The following KHDRBS1 variants were observed in gnomAD, a reference collection of about 807,000 sequenced individuals.
KHDRBS1 encodes KH RNA binding domain containing, signal transduction associated 1.
KHDRBS1 carries 7 observed loss-of-function variants against 48.4 expected under a neutral mutation model. That is an observed-to-expected ratio of 0.14 (90% confidence interval 0.08 to 0.27). The LOEUF is 0.27. KHDRBS1 is among the 10% of genes least tolerant of loss of function. The pLI is 1.00. For missense variants in KHDRBS1, 458 were observed against 601.2 expected, an observed-to-expected ratio of 0.76 and a Z score of 2.49; for synonymous variants, 241 against 235.8, an observed-to-expected ratio of 1.02 and a Z score of -0.20.
intron 1 of KHDRBS1, among the ~76,000 whole-genome samples, chr1:32,028,806 ATT>A (rs200155249): frequency 4.4e-5 from 6 of 135,556 alleles, no homozygotes; most frequent in Non-Finnish European, 3.2e-5. Context: ...CACCTGGCCT[ATT>A]TTTTTTTTTT....
At chr1:32,033,073 C>T in intron 3 of KHDRBS1, 115 bp from the exon 4 acceptor site, 1 of 725,754 alleles carries the variant, frequency 1.4e-6, no homozygotes, top group Non-Finnish European at 2.4e-6. Context: ...TACCAATTAA[C>T]TTTACTGTTT....
At chr1:32,046,776 TC>T (rs1639363234), downstream of KHDRBS1, among the ~76,000 whole-genome samples, 1 of 152,214 alleles carries the variant, frequency 6.6e-6, no homozygotes, top group Non-Finnish European at 1.5e-5. Flanking sequence ...AAATTTGGCT[TC>T]TTGGAATTTC....
chr1:32,051,560 T>G (rs1639422291), intron 10 of KHDRBS1, among the ~76,000 whole-genome samples: 1 of 152,218 alleles, frequency 6.6e-6, no homozygotes, highest in Non-Finnish European at 1.5e-5. Context: ...TGCCTGGTCA[T>G]AGGTGGTTTT....
In KHDRBS1 at chr1:32,033,174, G is replaced by T; in HGVS notation, c.625-14G>T. 6.2e-7 allele frequency: 1 copy of T among 1,611,122 alleles called. No individual in the cohort carries two copies. The highest frequency in any genetic ancestry group is 1.7e-5 in the Admixed American group (1 of 60,008). On this transcript the variant is annotated splice_polypyrimidine_tract_variant and intron_variant, in intron 3 of 8. Transcript: ENST00000327300. ...CTAGTCCATGGTGTGACATTTCTCT[G>T]CATTTTTCCATAGGAGGAAGAGCTG...
At chr1:32,032,963 T>C (rs1208049975) in intron 3 of KHDRBS1, among the ~76,000 whole-genome samples, 1 of 152,208 alleles carries the variant, frequency 6.6e-6, no homozygotes, top group Non-Finnish European at 1.5e-5. Flanking sequence ...CCTGGGATTA[T>C]AGGCGTGAGC....
chr1:32,024,957 T>C (rs1000938903), intron 1 of KHDRBS1, among the ~76,000 whole-genome samples: 1 of 150,362 alleles, frequency 6.7e-6, no homozygotes, highest in Non-Finnish European at 1.5e-5. Context: ...AGAGAACCCA[T>C]CTCTTTAAAA....
Position 32,014,124 on chromosome 1 carries a change from G to GTCCCGGGGAGGCGGAGGGGGA in KHDRBS1, c.135_155dup (p.Gly48_Gly54dup), listed in dbSNP as rs1553220521. 7.3e-7 allele frequency: 1 copy of GTCCCGGGGAGGCGGAGGGGGA among 1,376,522 alleles called. No homozygotes were observed. The highest frequency in any genetic ancestry group is 9.4e-7 in the Non-Finnish European group (1 of 1,066,200). 85.3% of individuals were successfully genotyped at this position (1,376,522 alleles called of 1,614,324 possible). On this transcript the variant is annotated inframe_insertion, in exon 1 of 9. Transcript: ENST00000327300. ...CTCGGCAGCCGCCGCTGCCTCACCGGTCCCGGGGAGGCGGAGGGGGATCCC... is the reference window on the plus strand; with the variant it reads ...CTCGGCAGCCGCCGCTGCCTCACCGGTCCCGGGGAGGCGGAGGGGGATCCCGGGGAGGCGGAGGGGGATCCC...
intron 1 of KHDRBS1, among the ~76,000 whole-genome samples, chr1:32,019,085 G>T (rs554569898): frequency 6.6e-6 from 1 of 152,034 alleles, no homozygotes; most frequent in Admixed American, 6.6e-5. Context: ...GCGACAGAGC[G>T]AGACTCTGTC....
At chr1:32,015,673 T>A (rs72876652) in intron 1 of KHDRBS1, among the ~76,000 whole-genome samples, 5,121 of 152,264 alleles carry the variant, frequency 0.034, 281 homozygotes, top group African/African-American at 0.12. Context: ...GTATTTTTTT[T>A]AAACCCAACT....
chr1:32,039,872 T>C (rs1030085605), intron 8 of KHDRBS1, among the ~76,000 whole-genome samples: 3 of 152,118 alleles, frequency 2.0e-5, no homozygotes, highest in Non-Finnish European at 4.4e-5. Flanking sequence ...TAAGCTAATG[T>C]TATTTTTTTT....
chr1:32,040,831 C>T (rs1352954308), intron 8 of KHDRBS1, among the ~76,000 whole-genome samples: 1 of 152,172 alleles, frequency 6.6e-6, no homozygotes, highest in East Asian at 1.9e-4. Flanking sequence ...AAGAGGAGCC[C>T]CTTAGGGCCT....
At chr1:32,027,385 A>AC (rs1638995890) in intron 1 of KHDRBS1, among the ~76,000 whole-genome samples, 1 of 152,178 alleles carries the variant, frequency 6.6e-6, no homozygotes, top group Non-Finnish European at 1.5e-5. Flanking sequence ...AAAAAGATTG[A>AC]TCAGAAAAAG....
intron 1 of KHDRBS1, among the ~76,000 whole-genome samples, chr1:32,024,363 G>A (rs1258579231): frequency 6.6e-6 from 1 of 152,088 alleles, no homozygotes; most frequent in African/African-American, 2.4e-5. Context: ...AAGCTGGAAT[G>A]CAGTGGCGCC....
chr1:32,016,121 G>C (rs1335776911), intron 1 of KHDRBS1, among the ~76,000 whole-genome samples: 1 of 151,380 alleles, frequency 6.6e-6, no homozygotes, highest in East Asian at 1.9e-4. Context: ...AAGGTTGCAG[G>C]GAGCCCAGAT....
intron 1 of KHDRBS1, 105 bp from the exon 2 acceptor site, chr1:32,030,193 G>C (rs1639054978): frequency 1.2e-6 from 1 of 860,004 alleles, no homozygotes; most frequent in African/African-American, 1.7e-5. Context: ...ACATTTGTGT[G>C]AACTATTTGG....
At chr1:32,058,192 A>G (rs1002525082) in intron 10 of KHDRBS1, among the ~76,000 whole-genome samples, 3 of 150,832 alleles carry the variant, frequency 2.0e-5, no homozygotes, top group Admixed American at 1.3e-4. Context: ...GGCTCAAGAC[A>G]TCCTCTCACC....
chr1:32,056,067 G>A (rs911440818), intron 10 of KHDRBS1, among the ~76,000 whole-genome samples: 4 of 152,130 alleles, frequency 2.6e-5, no homozygotes, highest in African/African-American at 9.7e-5. Context: ...TTTCATAGCC[G>A]TGCTGCTAAG....
chr1:32,022,984 T>C (rs1370469712), intron 1 of KHDRBS1, among the ~76,000 whole-genome samples: 3 of 152,192 alleles, frequency 2.0e-5, no homozygotes, highest in Non-Finnish European at 2.9e-5. Flanking sequence ...TTCCCAGACT[T>C]CTCTAATATT....
Position 32,037,443 on chromosome 1 carries a change from C to CA in KHDRBS1, c.906-377dup, listed in dbSNP as rs1426963678. ...TGGGAGATAGAGCAAGACTCCATTT[C>CA]AAAAAAAAAAAAAAATAGAGTTCTA... On this transcript the variant is annotated intron_variant, in intron 5 of 8. Transcript: ENST00000327300. Among the ~76,000 whole-genome samples, 1,009 of 125,480 alleles carry CA rather than the reference C, an allele frequency of 8.0e-3. 11 individuals are homozygous for CA. The highest frequency in any genetic ancestry group is 0.036 in the East Asian group (156 of 4,346). 82.3% of individuals were successfully genotyped at this position (125,480 alleles called of 152,430 possible).
Sources: gnomAD v4.1 joint callset for allele counts (sites outside exome capture counted in the v4.1 genomes callset) on GRCh38, gnomAD v4.1.1 for gene constraint, MANE v1.5 for transcripts, NCBI Gene and HGNC (gene_info 2026-07-23, HGNC 2026-07-21) for gene names.